The following SLC24A3 variants were observed in gnomAD, a reference collection of about 807,000 sequenced individuals.
The protein encoded by SLC24A3 is solute carrier family 24 member 3.
In SLC24A3, 28 loss-of-function variants were observed where a neutral mutation model predicts 75.8. The observed-to-expected ratio is 0.37, with a 90% CI of 0.27 to 0.51. The LOEUF (loss-of-function observed/expected upper bound fraction) is 0.51. Ranked by LOEUF, SLC24A3 falls within the 20% of genes least tolerant of loss-of-function variation. SLC24A3 has a pLI of 0.94. For missense variants in SLC24A3, 663 were observed against 847.8 expected (o/e 0.78, Z 2.71); for synonymous variants, 372 against 334.1 (o/e 1.11, Z -1.24).
intron 2 of SLC24A3, among the ~76,000 whole-genome samples, chr20:19,455,855 G>A (rs1378174393): frequency 6.6e-6 from 1 of 152,154 alleles, no homozygotes; most frequent in Non-Finnish European, 1.5e-5. Context: ...AGAACTACTT[G>A]GTTGAGAGGC....
chr20:19,323,205 C>CA (rs1172583632), intron 2 of SLC24A3, among the ~76,000 whole-genome samples: 12,341 of 60,202 alleles, frequency 0.2, 1,372 homozygotes, highest in African/African-American at 0.37. Flanking sequence ...GACTCCGTCT[C>CA]AAAAAAAAAA....
At chr20:19,716,660 T>C (rs1349138988) in intron 15 of SLC24A3, among the ~76,000 whole-genome samples, 1 of 151,956 alleles carries the variant, frequency 6.6e-6, no homozygotes, top group Non-Finnish European at 1.5e-5. Context: ...GCTGGGAGGA[T>C]CACTTGCTTC....
intron 3 of SLC24A3, among the ~76,000 whole-genome samples, chr20:19,538,739 A>G (rs1194497363): frequency 5.3e-5 from 8 of 152,194 alleles, no homozygotes; most frequent in Admixed American, 5.2e-4. Context: ...GAACATATGC[A>G]TGCTCCCTGA....
At chr20:19,512,600 A>G (rs2029903417) in intron 2 of SLC24A3, among the ~76,000 whole-genome samples, 1 of 152,222 alleles carries the variant, frequency 6.6e-6, no homozygotes, top group Non-Finnish European at 1.5e-5. Context: ...TGGATTCAGA[A>G]CCCAAGCCTG....
At chr20:19,706,452 C>G (rs1017218884) in intron 15 of SLC24A3, among the ~76,000 whole-genome samples, 2 of 152,106 alleles carry the variant, frequency 1.3e-5, no homozygotes, top group Non-Finnish European at 2.9e-5. Context: ...GACAGTTATT[C>G]TGAGAATCCA....
chr20:19,374,316 C>A (rs1167554090), intron 2 of SLC24A3, among the ~76,000 whole-genome samples: 2 of 152,176 alleles, frequency 1.3e-5, no homozygotes, highest in Admixed American at 1.3e-4. Context: ...GCATGAGTAA[C>A]CATAACCCTG....
At chr20:19,381,890 A>C (rs1326741336) in intron 2 of SLC24A3, among the ~76,000 whole-genome samples, 5 of 152,232 alleles carry the variant, frequency 3.3e-5, no homozygotes, top group African/African-American at 1.2e-4. Context: ...AGGGGCAGGC[A>C]GGCATTCTGT....
At chr20:19,327,333 T>TA (rs1984886933) in intron 2 of SLC24A3, among the ~76,000 whole-genome samples, 1 of 152,150 alleles carries the variant, frequency 6.6e-6, no homozygotes. Context: ...GGGTTGTCAA[T>TA]AAAAAAACGT....
At chr20:19,504,308 G>A (rs753849172) in intron 2 of SLC24A3, among the ~76,000 whole-genome samples, 5 of 152,028 alleles carry the variant, frequency 3.3e-5, no homozygotes, top group Non-Finnish European at 5.9e-5. Flanking sequence ...AACCATAAAG[G>A]TTACTTCCAC....
intron 2 of SLC24A3, among the ~76,000 whole-genome samples, chr20:19,289,601 T>G (rs1568580002): frequency 6.6e-6 from 1 of 152,158 alleles, no homozygotes; most frequent in Admixed American, 6.5e-5. Context: ...AGAAGTCACC[T>G]CCTGGTCCCA....
At chr20:19,288,845 T>C (rs975332721) in intron 2 of SLC24A3, among the ~76,000 whole-genome samples, 17 of 152,236 alleles carry the variant, frequency 1.1e-4, no homozygotes, top group African/African-American at 4.1e-4. Context: ...GTGAATAAAG[T>C]TTTATTGGAA....
intron 2 of SLC24A3, among the ~76,000 whole-genome samples, chr20:19,293,947 G>C (rs866833858): frequency 1.3e-5 from 2 of 152,126 alleles, no homozygotes; most frequent in Non-Finnish European, 2.9e-5. Flanking sequence ...ATATCAGAAT[G>C]CATGGGTCCT....
At chr20:19,460,668 G>A (rs939120927) in intron 2 of SLC24A3, among the ~76,000 whole-genome samples, 1 of 152,088 alleles carries the variant, frequency 6.6e-6, no homozygotes, top group Non-Finnish European at 1.5e-5. Context: ...TTATTTGGAC[G>A]TGTTTCCCTC....
At position 19,441,360 on chromosome 20, in the gene SLC24A3, T is replaced by C. The variant is rs372824397; in HGVS notation, c.272-74128T>C. On this transcript the variant is annotated intron_variant, in intron 2 of 16. Coordinates refer to ENST00000328041, the MANE Select transcript of SLC24A3 (RefSeq NM_020689.4). ...CTCCAGACTTGCTAGGTGAGGGCCC[T>C]GTGCATCTGAAAGCAAAGGAAGGAA... 3.0e-4 allele frequency among the ~76,000 whole-genome samples: 45 copies of C among 152,296 alleles called. No individual in the cohort carries two copies. The East Asian group carries it at 8.5e-3, about 29-fold the overall frequency.
intron 9 of SLC24A3, among the ~76,000 whole-genome samples, chr20:19,679,540 G>GGGAGACCGGGGGGAGGGGGAGA (rs1568695471): frequency 1.2e-5 from 1 of 81,616 alleles, no homozygotes; most frequent in East Asian, 4.4e-4. Flanking sequence ...CCGTGGGGAG[G>GGGAGACCGGGGGGAGGGGGAGA]GGGAGAGGGA....
chr20:19,574,020 A>G (rs2031093167), intron 3 of SLC24A3, among the ~76,000 whole-genome samples: 1 of 152,246 alleles, frequency 6.6e-6, no homozygotes, highest in Admixed American at 6.5e-5. Flanking sequence ...GTTGAAGGAC[A>G]GTAACTTATT....
chr20:19,682,263 AT>A (rs1394579498), intron 10 of SLC24A3, among the ~76,000 whole-genome samples: 1 of 152,184 alleles, frequency 6.6e-6, no homozygotes, highest in Non-Finnish European at 1.5e-5. Context: ...TCAAAAAAAA[AT>A]AAAAGAAAGA....
At chr20:19,586,897 A>G (rs1433621332) in intron 6 of SLC24A3, among the ~76,000 whole-genome samples, 1 of 152,170 alleles carries the variant, frequency 6.6e-6, no homozygotes, top group Non-Finnish European at 1.5e-5. Context: ...CAATGAGCTC[A>G]TGTCTTAGAT....
intron 6 of SLC24A3, among the ~76,000 whole-genome samples, chr20:19,593,222 A>C (rs1400327573): frequency 1.3e-5 from 2 of 152,214 alleles, no homozygotes; most frequent in Non-Finnish European, 2.9e-5. Flanking sequence ...CATTCCCCAC[A>C]CTGCCTCCTA....
Sources: allele counts gnomAD v4.1 joint callset (sites outside exome capture counted in the v4.1 genomes callset), GRCh38; gene constraint gnomAD v4.1.1; transcripts MANE v1.5; gene names NCBI Gene and HGNC (gene_info 2026-07-23, HGNC 2026-07-21).